Variants in ZFHX3 observed in about 807,000 individuals in gnomAD.
ZFHX3 encodes the protein zinc finger homeobox 3.
ZFHX3 carries 42 observed loss-of-function variants against 279.1 expected under a neutral mutation model. That is an observed-to-expected ratio of 0.15 (90% confidence interval 0.12 to 0.19). The LOEUF is 0.19. ZFHX3 is among the 10% of genes least tolerant of loss of function. The pLI is 1.00. For missense variants in ZFHX3, 4,981 were observed against 4,754.0 expected (o/e 1.05, Z -1.40); for synonymous variants, 2,293 against 1,957.8 (o/e 1.17, Z -4.52).
chr16:72,897,210 C>T (rs1257084973), intron 3 of ZFHX3, among the ~76,000 whole-genome samples: 1 of 152,206 alleles, frequency 6.6e-6, no homozygotes, highest in Non-Finnish European at 1.5e-5. Context: ...GCACCCCTGT[C>T]CAGGGAAAGA....
At position 72,783,916 on chromosome 16, in the gene ZFHX3, T is replaced by TGTCA. The variant is rs1373569903; in HGVS notation, c.*3244_*3247dup. Reference sequence around the variant, plus strand: ...TAGTACTGGTCATAGCCACGATGGCTGTCAGCCCACAAACATCTAACTCAT... The same window carrying TGTCA: ...TAGTACTGGTCATAGCCACGATGGCTGTCAGTCAGCCCACAAACATCTAACTCAT... On this transcript the variant is annotated 3_prime_UTR_variant, in exon 10 of 10. Coordinates refer to ENST00000268489, the MANE Select transcript of ZFHX3 (RefSeq NM_006885.4). 6.6e-6 allele frequency: 1 copy of TGTCA among 152,280 alleles called. No individual in the cohort carries two copies. Among genetic ancestry groups the TGTCA allele is most frequent in the African/African-American group, 2.4e-5 (1 of 41,474 alleles). The allele number at this position is 152,280 out of a possible 1,614,324, so 9.4% of individuals were successfully genotyped here.
intron 2 of ZFHX3, among the ~76,000 whole-genome samples, chr16:73,638,066 T>C (rs2052543657): frequency 6.6e-6 from 1 of 152,202 alleles, no homozygotes; most frequent in South Asian, 2.1e-4. Context: ...TCATACACTG[T>C]TAATATGAGT....
intron 1 of ZFHX3, among the ~76,000 whole-genome samples, chr16:73,839,756 G>A (rs981965720): frequency 1.3e-5 from 2 of 152,148 alleles, no homozygotes; most frequent in Non-Finnish European, 2.9e-5. Flanking sequence ...ATCTCTCAGC[G>A]GGCTAGTCCT....
chr16:73,544,984 G>A (rs1005451624), intron 2 of ZFHX3, among the ~76,000 whole-genome samples: 2 of 152,160 alleles, frequency 1.3e-5, no homozygotes, highest in Admixed American at 6.5e-5. Flanking sequence ...CAAGTGGAGT[G>A]TTATCTGGAA....
At chr16:73,370,859 T>TC (rs1368540922) in intron 3 of ZFHX3, among the ~76,000 whole-genome samples, 2 of 152,194 alleles carry the variant, frequency 1.3e-5, no homozygotes, top group Admixed American at 6.5e-5. Context: ...TCCAGTCATC[T>TC]CAGACATAAT....
intron 3 of ZFHX3, among the ~76,000 whole-genome samples, chr16:72,942,429 AG>A (rs1350865058): frequency 5.9e-5 from 9 of 152,212 alleles, no homozygotes; most frequent in Admixed American, 1.3e-4. Context: ...GGTGGGGGGT[AG>A]GTGAAGGTAC....
chr16:73,875,241 A>G (rs1390181539), intron 1 of ZFHX3, among the ~76,000 whole-genome samples: 3 of 151,918 alleles, frequency 2.0e-5, no homozygotes, highest in Non-Finnish European at 2.9e-5. Flanking sequence ...TTTGGCTAAT[A>G]TATTTTAATA....
rs940044127 is a variant in ZFHX3, at chr16:73,393,913, AAT to A, written c.-1291+62088_-1291+62089del. On this transcript the variant is annotated intron_variant, in intron 3 of 17. Transcript: ENST00000641206. ...GTATATCATATATGTGATATATATG[AAT>A]ATATGATATATATAAGATATATATA... is the stretch of plus-strand genomic sequence containing the variant. Among the ~76,000 whole-genome samples, 223 of 147,826 alleles carry A rather than the reference AAT, an allele frequency of 1.5e-3. 2 individuals are homozygous for A. Among genetic ancestry groups the A allele is most frequent in the African/African-American group, 5.2e-3 (212 of 40,482 alleles).
At chr16:72,827,399 T>C (rs1039306912) in intron 5 of ZFHX3, among the ~76,000 whole-genome samples, 1 of 152,156 alleles carries the variant, frequency 6.6e-6, no homozygotes, top group Non-Finnish European at 1.5e-5. Flanking sequence ...TTAATCTTCA[T>C]CTCATCTGAG....
At chr16:73,510,655 G>A (rs1445012198) in intron 2 of ZFHX3, among the ~76,000 whole-genome samples, 4 of 152,236 alleles carry the variant, frequency 2.6e-5, no homozygotes, top group Non-Finnish European at 2.9e-5. Flanking sequence ...TCACTGTGAT[G>A]TGAATAGCAG....
chr16:72,964,066 C>G (rs377018334), intron 1 of ZFHX3, among the ~76,000 whole-genome samples: 3 of 152,176 alleles, frequency 2.0e-5, no homozygotes, highest in South Asian at 2.1e-4. Context: ...GGCAAGGATG[C>G]CTGATTCCCT....
intron 1 of ZFHX3, among the ~76,000 whole-genome samples, chr16:72,969,254 TAG>T (rs1374176613): frequency 2.0e-5 from 3 of 151,954 alleles, no homozygotes; most frequent in African/African-American, 7.3e-5. Context: ...CAGAGAGGTG[TAG>T]AGAGACAAAA....
intron 1 of ZFHX3, among the ~76,000 whole-genome samples, chr16:73,818,486 A>T (rs1464921868): frequency 6.6e-6 from 1 of 152,186 alleles, no homozygotes; most frequent in African/African-American, 2.4e-5. Flanking sequence ...ATTATACATG[A>T]TATCAACCAA....
At chr16:73,172,721 A>C (rs1436464206) in intron 5 of ZFHX3, among the ~76,000 whole-genome samples, 1 of 152,244 alleles carries the variant, frequency 6.6e-6, no homozygotes, top group African/African-American at 2.4e-5. Flanking sequence ...CTGTATGCCA[A>C]GCACGGGATC....
At chr16:73,651,946 A>T (rs1035581265) in intron 2 of ZFHX3, among the ~76,000 whole-genome samples, 2 of 152,076 alleles carry the variant, frequency 1.3e-5, no homozygotes, top group African/African-American at 4.8e-5. Context: ...AATCTTCATT[A>T]TGGTAAAATA....
chr16:72,790,113 G>A (rs2035633004), intron 9 of ZFHX3: 1 of 152,262 alleles, frequency 6.6e-6, no homozygotes, highest in African/African-American at 2.4e-5. Context: ...CTATCTCCTG[G>A]TTTGAGTCAC....
Position 72,818,719 on chromosome 16 carries a change from G to A in ZFHX3, c.3530-6681C>T, listed in dbSNP as rs1376134789. On this transcript the variant is annotated intron_variant, in intron 5 of 9. Transcript: ENST00000268489. ...TTCCCTAATCAAAGAAGCAGAATCT[G>A]TCTCAACATCCAGCCTGGTGAAGTT... Among the ~76,000 whole-genome samples, 3 of 152,210 alleles carry A rather than the reference G, an allele frequency of 2.0e-5. No homozygotes were observed. The East Asian group carries it at 5.8e-4, about 29-fold the overall frequency.
At chr16:73,497,431 G>A (rs1202311044) in intron 2 of ZFHX3, among the ~76,000 whole-genome samples, 1 of 152,234 alleles carries the variant, frequency 6.6e-6, no homozygotes, top group Non-Finnish European at 1.5e-5. Context: ...CACTTTGGGA[G>A]GATGAGGCAA....
chr16:73,641,455 T>C (rs2052572595), intron 2 of ZFHX3, among the ~76,000 whole-genome samples: 1 of 152,096 alleles, frequency 6.6e-6, no homozygotes, highest in Admixed American at 6.5e-5. Flanking sequence ...CGATGGAAGG[T>C]TCTACTGGGA....
Sources: gnomAD v4.1 joint callset for allele counts (sites outside exome capture counted in the v4.1 genomes callset) on GRCh38, gnomAD v4.1.1 for gene constraint, MANE v1.5 for transcripts, NCBI Gene and HGNC (gene_info 2026-07-23, HGNC 2026-07-21) for gene names.